Variants in POU6F2 observed in about 807,000 individuals in gnomAD.
The protein encoded by POU6F2 is POU domain, class 6, transcription factor 2.
In POU6F2, 31 loss-of-function variants were observed where a neutral mutation model predicts 71.3. The ratio of observed to expected loss-of-function variants is 0.43; its 90% CI spans 0.33 to 0.59. POU6F2 has a LOEUF of 0.59. POU6F2 is among the 20% of genes least tolerant of loss of function. The pLI is 0.04. For synonymous variants in POU6F2, 347 were observed against 355.7 expected, an observed-to-expected ratio of 0.98 and a Z score of 0.27; for missense variants, 783 against 856.8, an observed-to-expected ratio of 0.91 and a Z score of 1.07.
At chr7:39,319,152 A>G (rs547907010) in intron 4 of POU6F2, among the ~76,000 whole-genome samples, 2 of 152,088 alleles carry the variant, frequency 1.3e-5, no homozygotes, top group African/African-American at 2.4e-5. Flanking sequence ...ACAAAACTCC[A>G]ATTTGATTTG....
At chr7:39,080,428 C>T (rs1013248280) in intron 1 of POU6F2, among the ~76,000 whole-genome samples, 6 of 152,114 alleles carry the variant, frequency 3.9e-5, no homozygotes, top group African/African-American at 9.7e-5. Flanking sequence ...CAAAATATGA[C>T]GGTGTGTTTG....
chr7:39,026,516 C>T (rs1176507693), intron 1 of POU6F2, among the ~76,000 whole-genome samples: 7 of 152,048 alleles, frequency 4.6e-5, no homozygotes, highest in Non-Finnish European at 8.8e-5. Context: ...AACCAAACAC[C>T]GCATGTTCTC....
At chr7:39,214,167 G>C (rs1179172918) in intron 4 of POU6F2, among the ~76,000 whole-genome samples, 1 of 151,814 alleles carries the variant, frequency 6.6e-6, no homozygotes, top group Non-Finnish European at 1.5e-5. Flanking sequence ...TTGCTTTCTT[G>C]TTCCCTACAC....
At chr7:39,424,946 C>T (rs1002567687) in intron 6 of POU6F2, among the ~76,000 whole-genome samples, 1 of 151,954 alleles carries the variant, frequency 6.6e-6, no homozygotes, top group Non-Finnish European at 1.5e-5. Context: ...TTTATTTTGC[C>T]AAAGGACCCG....
chr7:39,016,120 ATATC>A (rs1249378568), intron 1 of POU6F2, among the ~76,000 whole-genome samples: 2 of 117,614 alleles, frequency 1.7e-5, no homozygotes, highest in Admixed American at 2.3e-4. Context: ...ATTATATATT[ATATC>A]TATATTATAC....
intron 4 of POU6F2, among the ~76,000 whole-genome samples, chr7:39,277,826 T>C (rs1451522072): frequency 6.6e-6 from 1 of 151,952 alleles, no homozygotes; most frequent in Non-Finnish European, 1.5e-5. Context: ...TGGGAGGCCA[T>C]GGCGGGCGAA....
At chr7:39,039,600 C>G (rs1790138001) in intron 1 of POU6F2, among the ~76,000 whole-genome samples, 1 of 151,866 alleles carries the variant, frequency 6.6e-6, no homozygotes, top group Non-Finnish European at 1.5e-5. Context: ...GATATTGGAA[C>G]TCTATCAATT....
intron 2 of POU6F2, among the ~76,000 whole-genome samples, chr7:39,130,567 G>A (rs1792253859): frequency 6.6e-6 from 1 of 152,122 alleles, no homozygotes; most frequent in South Asian, 2.1e-4. Context: ...GCAAATAAGG[G>A]ATTCCTTCAT....
chr7:39,408,752 A>T (rs1252809010), intron 6 of POU6F2, among the ~76,000 whole-genome samples: 1 of 152,224 alleles, frequency 6.6e-6, no homozygotes, highest in Non-Finnish European at 1.5e-5. Context: ...GTGCAGAAAC[A>T]GTTCAAGAGT....
intron 2 of POU6F2, among the ~76,000 whole-genome samples, chr7:39,110,816 A>C (rs974824832): frequency 1.3e-5 from 2 of 152,202 alleles, no homozygotes; most frequent in Non-Finnish European, 2.9e-5. Flanking sequence ...ATAAATGAAA[A>C]TAGCAATCAA....
rs979831965 is a variant in POU6F2 at position 39,386,285 on chromosome 7, C to G, written c.973-20315C>G. 3.9e-5 allele frequency among the ~76,000 whole-genome samples: 6 copies of G among 152,046 alleles called. No homozygotes were observed. The East Asian group carries it at 1.2e-3, about 30-fold the overall frequency. On this transcript the variant is annotated intron_variant, in intron 5 of 9. Coordinates refer to ENST00000518318, the MANE Select transcript of POU6F2 (RefSeq NM_001370959.1). ...CTTCTTCAGGGGTCAATCCCAAGGT[C>G]CCTCCTCCATTAACATCCTACACAC...
intron 1 of POU6F2, among the ~76,000 whole-genome samples, chr7:39,014,423 T>G (rs1789417741): frequency 6.6e-6 from 1 of 152,180 alleles, no homozygotes; most frequent in African/African-American, 2.4e-5. Context: ...GGGGATAAAA[T>G]TAATTTTACA....
chr7:39,153,120 G>A (rs1792794955), intron 2 of POU6F2, among the ~76,000 whole-genome samples: 1 of 152,120 alleles, frequency 6.6e-6, no homozygotes, highest in Non-Finnish European at 1.5e-5. Flanking sequence ...ATGTGCGTTG[G>A]ACAAAGGTGG....
intron 5 of POU6F2, among the ~76,000 whole-genome samples, chr7:39,341,343 T>C (rs540749816): frequency 6.6e-6 from 1 of 152,282 alleles, no homozygotes; most frequent in South Asian, 2.1e-4. Flanking sequence ...AACATTTTCA[T>C]GAGTGGAGTT....
chr7:39,346,215 GT>G (rs1185836162), intron 5 of POU6F2, among the ~76,000 whole-genome samples: 1 of 152,184 alleles, frequency 6.6e-6, no homozygotes, highest in Non-Finnish European at 1.5e-5. Context: ...GAAAAAATTA[GT>G]TTACCAAGAA....
intron 5 of POU6F2, among the ~76,000 whole-genome samples, chr7:39,342,167 T>C (rs1213537341): frequency 7.2e-6 from 1 of 138,798 alleles, no homozygotes; most frequent in Non-Finnish European, 1.6e-5. Context: ...CAAATTTTTT[T>C]TAAAACATTA....
chr7:39,220,516 TG>T (rs1554333204), intron 4 of POU6F2, among the ~76,000 whole-genome samples: 2 of 152,102 alleles, frequency 1.3e-5, no homozygotes, highest in Non-Finnish European at 2.9e-5. Context: ...CCCGAGCACC[TG>T]GTAAGAATAA....
intron 4 of POU6F2, among the ~76,000 whole-genome samples, chr7:39,336,390 A>G (rs1351400390): frequency 6.6e-6 from 1 of 152,116 alleles, no homozygotes; most frequent in Non-Finnish European, 1.5e-5. Flanking sequence ...TTTCATATGA[A>G]TGAAATGTGG....
chr7:39,392,127 C>A (rs1787086138), intron 5 of POU6F2, among the ~76,000 whole-genome samples: 1 of 152,184 alleles, frequency 6.6e-6, no homozygotes, highest in Admixed American at 6.5e-5. Context: ...ATTTAGTAAT[C>A]CCTCTAGGAG....
Sources: allele counts gnomAD v4.1 joint callset (sites outside exome capture counted in the v4.1 genomes callset), GRCh38; gene constraint gnomAD v4.1.1; transcripts MANE v1.5; gene names NCBI Gene and HGNC (gene_info 2026-07-23, HGNC 2026-07-21).